The following ARHGAP22 variants were observed in gnomAD, a reference collection of about 807,000 sequenced individuals.
The protein encoded by ARHGAP22 is rho GTPase-activating protein 22.
In ARHGAP22, 48 loss-of-function variants were observed where a neutral mutation model predicts 59.1. That is an observed-to-expected ratio of 0.81 (90% CI 0.64 to 1.03). The LOEUF is 1.03. Ranked by LOEUF, ARHGAP22 falls within the 50% of genes least tolerant of loss-of-function variation. The pLI is 0.00. For synonymous variants in ARHGAP22, 445 were observed against 416.4 expected (o/e 1.07, Z -0.84); for missense variants, 1,015 against 958.7 (o/e 1.06, Z -0.78).
chr10:48,453,418 C>T lies in ARHGAP22; in HGVS notation c.874G>A (p.Asp292Asn), dbSNP rs1334441764. The part of the protein sequence containing the change: ...NLLRYICKFL[D>N]EVQAYSNVNK... Reference sequence around the variant, plus strand: ...ACATTTGAGTATGCCTGAACTTCATCCAGAAACCTGCAAAGTAAGGAAGCA... The same window carrying T: ...ACATTTGAGTATGCCTGAACTTCATTCAGAAACCTGCAAAGTAAGGAAGCA... The change falls in exon 8 of 10, where the codon GAT becomes AAT. Residue 292 changes from aspartate to asparagine, a missense_variant. Coordinates refer to ENST00000249601, the MANE Select transcript of ARHGAP22 (RefSeq NM_021226.4). 6.2e-7 allele frequency: 1 copy of T among 1,613,800 alleles called. No homozygotes were observed. Among genetic ancestry groups the T allele is most frequent in the Non-Finnish European group, 8.5e-7 (1 of 1,179,862 alleles).
intron 2 of ARHGAP22, among the ~76,000 whole-genome samples, chr10:48,560,827 C>T (rs925282127): frequency 6.6e-6 from 1 of 151,982 alleles, no homozygotes; most frequent in African/African-American, 2.4e-5. Flanking sequence ...TTAAATCAAC[C>T]TTGGACTTTT....
intron 2 of ARHGAP22, among the ~76,000 whole-genome samples, chr10:48,573,524 A>T (rs2058525591): frequency 6.6e-6 from 1 of 152,208 alleles, no homozygotes; most frequent in Admixed American, 6.5e-5. Context: ...AGTGAAGACC[A>T]TCTGAAGGGC....
the ARHGAP22 span, chr10:48,437,953 C>G: frequency 6.6e-6 from 1 of 152,360 alleles, no homozygotes; most frequent in African/African-American, 2.4e-5. Context: ...ATAGTGAAAT[C>G]ATCAGCAGGA....
At position 48,592,288 on chromosome 10, in the gene ARHGAP22, C is replaced by T. The variant is rs74130586; in HGVS notation, c.35-9136G>A. 5.2e-3 allele frequency among the ~76,000 whole-genome samples: 793 copies of T among 152,226 alleles called. 7 individuals carry two copies. The highest frequency in any genetic ancestry group is 0.018 in the African/African-American group (739 of 41,534). On this transcript the variant is annotated intron_variant, in intron 1 of 9. Coordinates refer to ENST00000249601, the MANE Select transcript of ARHGAP22 (RefSeq NM_021226.4). ...CTCAGCTTCCCAAGTGGTGGGGCTACGGGTATCTGTCACCGCACCTGGCTT... is the reference window on the plus strand; with the variant it reads ...CTCAGCTTCCCAAGTGGTGGGGCTATGGGTATCTGTCACCGCACCTGGCTT...
chr10:48,571,072 G>A (rs74913053), intron 2 of ARHGAP22, among the ~76,000 whole-genome samples: 2,001 of 152,276 alleles, frequency 0.013, 41 homozygotes, highest in African/African-American at 0.046. Context: ...ATAAGGTCTC[G>A]GATGAACTTT....
intron 2 of ARHGAP22, among the ~76,000 whole-genome samples, chr10:48,581,411 T>C (rs2059114044): frequency 6.6e-6 from 1 of 152,254 alleles, no homozygotes; most frequent in East Asian, 1.9e-4. Context: ...CAGAAAACTT[T>C]TGTTCACACT....
At chr10:48,446,725 C>CCATGG (rs1298726178) in intron 9 of ARHGAP22, 106 bp from the exon 10 acceptor site, 2 of 1,137,746 alleles carry the variant, frequency 1.8e-6, no homozygotes, top group Non-Finnish European at 2.5e-6. Flanking sequence ...TCAGGCCAAG[C>CCATGG]CATGGCGGCA....
intron 3 of ARHGAP22, among the ~76,000 whole-genome samples, chr10:48,553,031 A>G (rs1351136673): frequency 1.3e-5 from 2 of 152,216 alleles, no homozygotes; most frequent in African/African-American, 2.4e-5. Flanking sequence ...TGCAGCCAGA[A>G]CCAAGCATGA....
chr10:48,497,380 C>T (rs1001282477), intron 3 of ARHGAP22, among the ~76,000 whole-genome samples: 14 of 152,208 alleles, frequency 9.2e-5, no homozygotes, highest in African/African-American at 1.9e-4. Context: ...TCCTCAGCAG[C>T]GCTCAGCCAG....
intron 3 of ARHGAP22, among the ~76,000 whole-genome samples, chr10:48,542,868 C>T (rs1343661500): frequency 1.3e-5 from 2 of 152,118 alleles, no homozygotes; most frequent in Non-Finnish European, 2.9e-5. Flanking sequence ...AGCTGCCTGG[C>T]TGGACTTCCT....
intron 3 of ARHGAP22, among the ~76,000 whole-genome samples, chr10:48,497,116 G>C (rs998783358): frequency 6.6e-6 from 1 of 152,156 alleles, no homozygotes; most frequent in Non-Finnish European, 1.5e-5. Context: ...CCTCCCACCT[G>C]CTCTTAGGTG....
At chr10:48,554,765 C>T (rs1272445151) in intron 3 of ARHGAP22, among the ~76,000 whole-genome samples, 2 of 152,190 alleles carry the variant, frequency 1.3e-5, no homozygotes, top group African/African-American at 4.8e-5. Context: ...GGGAACTGAG[C>T]TAGGATGCCT....
At chr10:48,565,303 G>GC (rs1207134362) in intron 2 of ARHGAP22, among the ~76,000 whole-genome samples, 1 of 152,202 alleles carries the variant, frequency 6.6e-6, no homozygotes, top group Non-Finnish European at 1.5e-5. Context: ...GTGGAATGGA[G>GC]CTGGGCTGTA....
intron 2 of ARHGAP22, among the ~76,000 whole-genome samples, chr10:48,582,280 C>A (rs1156970458): frequency 6.6e-6 from 1 of 152,206 alleles, no homozygotes; most frequent in Non-Finnish European, 1.5e-5. Flanking sequence ...CCAAGAGATA[C>A]CCTTTCTCTC....
intron 3 of ARHGAP22, among the ~76,000 whole-genome samples, chr10:48,548,252 C>T (rs2056618237): frequency 1.3e-5 from 2 of 152,182 alleles, no homozygotes. Context: ...TCACATCCTA[C>T]CCCCTGGTTT....
At chr10:48,491,063 C>G (rs567167773) in intron 3 of ARHGAP22, among the ~76,000 whole-genome samples, 195 of 152,306 alleles carry the variant, frequency 1.3e-3, no homozygotes, top group Admixed American at 2.9e-3. Context: ...TCCTTTATCC[C>G]GACAATCTAT....
chr10:48,587,452 G>T (rs2059497225), intron 1 of ARHGAP22, among the ~76,000 whole-genome samples: 1 of 152,226 alleles, frequency 6.6e-6, no homozygotes, highest in Non-Finnish European at 1.5e-5. Flanking sequence ...AGAATTGCTA[G>T]TCAAATTAGG....
intron 3 of ARHGAP22, among the ~76,000 whole-genome samples, chr10:48,489,193 A>G (rs1310767456): frequency 1.3e-5 from 2 of 152,136 alleles, no homozygotes; most frequent in African/African-American, 4.8e-5. Context: ...TACCATGCCT[A>G]AGGGCCTACT....
At chr10:48,470,152 T>A (rs570121759) in intron 4 of ARHGAP22, among the ~76,000 whole-genome samples, 2 of 152,354 alleles carry the variant, frequency 1.3e-5, no homozygotes, top group Non-Finnish European at 2.9e-5. Context: ...TGAGGTCTAT[T>A]GAAGCCAGAC....
Sources: allele counts gnomAD v4.1 joint callset (sites outside exome capture counted in the v4.1 genomes callset), GRCh38; gene constraint gnomAD v4.1.1; transcripts MANE v1.5; gene names NCBI Gene and HGNC (gene_info 2026-07-23, HGNC 2026-07-21).